Variants in DDO observed in about 807,000 individuals in gnomAD.
DDO encodes the protein D-aspartate oxidase, DDO.
Under a neutral mutation model 16.8 loss-of-function variants are expected in DDO, and 16 were observed. That is an observed-to-expected ratio of 0.95 (90% CI 0.65 to 1.45). The LOEUF (loss-of-function observed/expected upper bound fraction) is 1.45. Ranked by LOEUF, DDO falls within the 40% of genes most tolerant of loss-of-function variation. The pLI is 0.00. For missense variants in DDO, 429 were observed against 420.3 expected, an observed-to-expected ratio of 1.02 and a Z score of -0.18; for synonymous variants, 180 against 167.2, an observed-to-expected ratio of 1.08 and a Z score of -0.59.
chr6:110,400,944 A>C (rs1275167021), intron 4 of DDO, among the ~76,000 whole-genome samples: 2 of 151,956 alleles, frequency 1.3e-5, no homozygotes, highest in Non-Finnish European at 2.9e-5. Flanking sequence ...CTCTCCCTTC[A>C]CTTCCAGCCC....
At chr6:110,388,363 G>A (rs905747769), downstream of DDO, among the ~76,000 whole-genome samples, 1 of 152,164 alleles carries the variant, frequency 6.6e-6, no homozygotes, top group Admixed American at 6.5e-5. Flanking sequence ...GACAAGTTAC[G>A]AAAGTCCTGA....
In DDO at chr6:110,408,351, A is replaced by G. The variant is rs146378574; in HGVS notation, c.264T>C (p.Gly88=). 1.2e-6 allele frequency: 2 copies of G among 1,614,180 alleles called. No homozygotes were observed. The highest frequency in any genetic ancestry group is 1.7e-6 in the Non-Finnish European group (2 of 1,180,016). The stretch of plus-strand genomic sequence containing the variant: ...TCACTTACCCTGATACCAAATGAAC[A>G]CCAGCATCTCCAGCTTCTGCAGAAT... ...IANSAEAGDA[G]VHLVSGWQIF... Residue 88 remains glycine, a synonymous_variant, in exon 3 of 5, where the codon GGT becomes GGC. Transcript: ENST00000368924.
chr6:110,415,382 G>A (rs1774012823), intron 1 of DDO, 85 bp downstream of exon 1: 2 of 1,564,380 alleles, frequency 1.3e-6, no homozygotes, highest in African/African-American at 2.7e-5. Context: ...GTCCATCACT[G>A]TCCCCTGACC....
rs1421866768 is a variant in DDO at position 110,415,515 on chromosome 6, A to T, written c.-53T>A. The T allele has an allele frequency of 6.2e-7, 1 of 1,614,096 alleles. No homozygotes were observed. The highest frequency in any genetic ancestry group is 1.3e-5 in the African/African-American group (1 of 74,938). On this transcript the variant is annotated 5_prime_UTR_variant, in exon 1 of 5. In the 5' UTR this introduces an upstream ATG that the reference lacks. Transcript: ENST00000368924. ...GAAGCCACCAAAATCTCTGGCACCA[A>T]ACCTTGTTTCCCAGTGCCTGGCTGG...
At chr6:110,391,663 C>T (rs1773104843), downstream of DDO, 1 of 152,322 alleles carries the variant, frequency 6.6e-6, no homozygotes, top group African/African-American at 2.4e-5. Context: ...CTCCTCAAGC[C>T]TCTTTACTTC....
chr6:110,392,891 A>C lies in DDO; in HGVS notation c.910T>G (p.Tyr304Asp). ...DGQRLPVVHH[Y>D]GHGSGGISVH... The stretch of plus-strand genomic sequence containing the variant: ...GAGATGCCCCCACTCCCATGGCCAT[A>C]GTGGTGGACTACAGGCAGCCTCTGT... The change falls in exon 5 of 5, where the codon TAT becomes GAT. Residue 304 changes from tyrosine to aspartate, a missense_variant. Coordinates refer to ENST00000368924, the MANE Select transcript of DDO (RefSeq NM_001372108.2). 6.2e-7 allele frequency: 1 copy of C among 1,614,200 alleles called. No homozygotes were observed. The highest frequency in any genetic ancestry group is 8.5e-7 in the Non-Finnish European group (1 of 1,180,022).
intron 4 of DDO, among the ~76,000 whole-genome samples, chr6:110,402,361 G>C (rs1418493948): frequency 6.6e-6 from 1 of 152,158 alleles, no homozygotes; most frequent in Admixed American, 6.5e-5. Context: ...CTGAGAGCAA[G>C]TATTTAAATA....
At chr6:110,398,602 A>T (rs1047703134) in intron 4 of DDO, among the ~76,000 whole-genome samples, 3 of 152,168 alleles carry the variant, frequency 2.0e-5, no homozygotes, top group African/African-American at 7.2e-5. Flanking sequence ...GACAGGGGAA[A>T]AGACGAGCTC....
chr6:110,409,094 G>A (rs1461789698), intron 2 of DDO, among the ~76,000 whole-genome samples: 2 of 152,218 alleles, frequency 1.3e-5, no homozygotes, highest in African/African-American at 2.4e-5. Flanking sequence ...TAGCACTCCT[G>A]AAGCCAGCAG....
At chr6:110,390,173 G>T (rs1426472661), downstream of DDO, among the ~76,000 whole-genome samples, 1 of 152,196 alleles carries the variant, frequency 6.6e-6, no homozygotes, top group African/African-American at 2.4e-5. Flanking sequence ...GCCCCAAGAT[G>T]GCGAGGAAGG....
intron 4 of DDO, among the ~76,000 whole-genome samples, chr6:110,397,311 T>A (rs1582473413): frequency 2.6e-5 from 4 of 152,366 alleles, no homozygotes; most frequent in Admixed American, 2.6e-4. Context: ...TACCTGTATA[T>A]CACTTATGTT....
intron 2 of DDO, among the ~76,000 whole-genome samples, chr6:110,409,468 T>C (rs988815442): frequency 6.6e-6 from 1 of 152,102 alleles, no homozygotes; most frequent in Admixed American, 6.6e-5. Context: ...CTTGGAGAGG[T>C]GTCCCTGAAA....
In DDO at chr6:110,413,298, A is replaced by G; in HGVS notation, c.165T>C (p.Thr55=). 6.2e-7 allele frequency: 1 copy of G among 1,614,072 alleles called. No individual in the cohort carries two copies. The highest frequency in any genetic ancestry group is 8.5e-7 in the Non-Finnish European group (1 of 1,179,950). Residue 55 remains threonine, a synonymous_variant, in exon 2 of 5, where the codon ACT becomes ACC. Transcript: ENST00000368924. The stretch of plus-strand genomic sequence containing the variant: ...GGAGCTGAAATCTCTCACCTGGATA[A>G]GTGTGAGGAATAAGCATTCCGGCTG... The part of the protein sequence containing the change: ...DVAAGMLIPH[T]YPDTPIHTQK...
Position 110,392,427 on chromosome 6 carries a change from A to G in DDO, c.*348T>C. ...CTATAAGAAGTATTTTTAACAAAAAATAGAGCTTTATGCCCTATGCCATTA... is the reference window on the plus strand; with the variant it reads ...CTATAAGAAGTATTTTTAACAAAAAGTAGAGCTTTATGCCCTATGCCATTA... On this transcript the variant is annotated 3_prime_UTR_variant, in exon 5 of 5. Coordinates refer to ENST00000368924, the MANE Select transcript of DDO (RefSeq NM_001372108.2). The G allele has an allele frequency of 9.8e-7, 1 of 1,017,356 alleles. No individual in the cohort carries two copies. Among genetic ancestry groups the G allele is most frequent in the Non-Finnish European group, 1.2e-6 (1 of 852,104 alleles). The allele number at this position is 1,017,356 out of a possible 1,614,324, so 63.0% of individuals were successfully genotyped here.
At chr6:110,404,003 A>G (rs1309522171) in intron 4 of DDO, among the ~76,000 whole-genome samples, 1 of 152,216 alleles carries the variant, frequency 6.6e-6, no homozygotes, top group African/African-American at 2.4e-5. Flanking sequence ...CACTTTCCCA[A>G]CATTTACACA....
intron 4 of DDO, among the ~76,000 whole-genome samples, chr6:110,404,538 G>T (rs930216642): frequency 3.9e-5 from 6 of 152,128 alleles, no homozygotes; most frequent in Non-Finnish European, 8.8e-5. Flanking sequence ...GTCAGGCATC[G>T]AAGTGCACAC....
chr6:110,399,563 T>G (rs1235341419), intron 4 of DDO, among the ~76,000 whole-genome samples: 7 of 131,642 alleles, frequency 5.3e-5, no homozygotes, highest in Non-Finnish European at 1.1e-4. Flanking sequence ...CCTGAAATGC[T>G]CGCCCTGAAA....
intron 4 of DDO, among the ~76,000 whole-genome samples, chr6:110,397,862 A>G (rs1289651510): frequency 1.3e-5 from 2 of 152,204 alleles, no homozygotes; most frequent in African/African-American, 4.8e-5. Context: ...CCCAGTCATT[A>G]TTATGTATCC....
At chr6:110,394,635 A>G (rs1007851310) in intron 4 of DDO, among the ~76,000 whole-genome samples, 1 of 152,256 alleles carries the variant, frequency 6.6e-6, no homozygotes, top group Non-Finnish European at 1.5e-5. Context: ...ACTGGCAGAC[A>G]GAAGTGTAAA....
Sources: allele counts gnomAD v4.1 joint callset (sites outside exome capture counted in the v4.1 genomes callset), GRCh38; gene constraint gnomAD v4.1.1; transcripts MANE v1.5; gene names NCBI Gene and HGNC (gene_info 2026-07-23, HGNC 2026-07-21).